Variants in CREB5 observed in about 807,000 individuals in gnomAD.
The protein encoded by CREB5 is cyclic AMP-responsive element-binding protein 5.
CREB5 carries 19 observed loss-of-function variants against 57.1 expected under a neutral mutation model. That is an observed-to-expected ratio of 0.33 (90% confidence interval 0.23 to 0.49). The LOEUF (loss-of-function observed/expected upper bound fraction) is 0.49, where lower values mean the gene tolerates loss of function less well. CREB5 is among the 20% of genes least tolerant of loss of function. The probability of loss-of-function intolerance (pLI) is 0.99; values close to 1 mark genes in which losing one functional copy is unlikely to be tolerated. For synonymous variants in CREB5, 238 were observed against 238.3 expected, an observed-to-expected ratio of 1.00 and a Z score of 0.01; for missense variants, 579 against 671.6, an observed-to-expected ratio of 0.86 and a Z score of 1.52.
chr7:28,472,613 G>T (rs1421024482), intron 1 of CREB5, among the ~76,000 whole-genome samples: 1 of 152,162 alleles, frequency 6.6e-6, no homozygotes, highest in Non-Finnish European at 1.5e-5. Flanking sequence ...GATAGGCTGT[G>T]TGTTTTATTG....
At chr7:28,461,612 C>T (rs939182922) in intron 1 of CREB5, among the ~76,000 whole-genome samples, 2 of 152,112 alleles carry the variant, frequency 1.3e-5, no homozygotes, top group African/African-American at 4.8e-5. Flanking sequence ...GGCTGATTTA[C>T]ATGAAGCCAT....
intron 1 of CREB5, among the ~76,000 whole-genome samples, chr7:28,450,511 AT>A (rs2128567566): frequency 1.3e-5 from 2 of 152,364 alleles, no homozygotes; most frequent in Admixed American, 1.3e-4. Flanking sequence ...CAATTAGGAA[AT>A]GCCCAACATA....
At chr7:28,395,085 T>A (rs1787309798) in intron 1 of CREB5, among the ~76,000 whole-genome samples, 1 of 152,172 alleles carries the variant, frequency 6.6e-6, no homozygotes, top group African/African-American at 2.4e-5. Context: ...GGTTTTAAAA[T>A]TTTACTATAT....
chr7:28,718,617 C>T (rs890254122), intron 5 of CREB5, 136 bp from the exon 6 acceptor site: 54 of 1,201,856 alleles, frequency 4.5e-5, no homozygotes, highest in Non-Finnish European at 5.8e-5. Context: ...CCCTAATATC[C>T]TCAATTATGT....
At chr7:28,734,588 T>TATAA (rs1298572495) in intron 7 of CREB5, among the ~76,000 whole-genome samples, 1 of 152,164 alleles carries the variant, frequency 6.6e-6, no homozygotes, top group Non-Finnish European at 1.5e-5. Flanking sequence ...GTCCTTTGAT[T>TATAA]ATAAAAATTA....
intron 4 of CREB5, among the ~76,000 whole-genome samples, chr7:28,564,062 T>C (rs956420626): frequency 3.5e-5 from 5 of 141,304 alleles, no homozygotes; most frequent in African/African-American, 1.3e-4. Context: ...GCCTAGTAGC[T>C]TCCAGAGGGT....
intron 5 of CREB5, among the ~76,000 whole-genome samples, chr7:28,668,819 T>G: frequency 6.6e-6 from 1 of 152,110 alleles, no homozygotes; most frequent in East Asian, 1.9e-4. Flanking sequence ...TACCGGTGAG[T>G]GAGAGTGTGA....
intron 10 of CREB5, 112 bp from the exon 11 acceptor site, chr7:28,819,004 A>G (rs1809603077): frequency 8.0e-7 from 1 of 1,244,010 alleles, no homozygotes; most frequent in Non-Finnish European, 1.1e-6. Flanking sequence ...TGAAACTTCT[A>G]TTTCAAGTAA....
intron 1 of CREB5, among the ~76,000 whole-genome samples, chr7:28,401,734 A>C (rs1050383883): frequency 3.3e-5 from 5 of 152,216 alleles, no homozygotes; most frequent in African/African-American, 4.8e-5. Context: ...CCTACAAAGG[A>C]CATGAACTCA....
chr7:28,597,925 A>T (rs1038019230), intron 5 of CREB5, among the ~76,000 whole-genome samples: 3 of 152,198 alleles, frequency 2.0e-5, no homozygotes, highest in African/African-American at 7.2e-5. Context: ...TAGAAAATGG[A>T]CCTAGAAATA....
rs546060060 is a variant in CREB5, at chr7:28,814,023, A to G, written c.1255-4048A>G. ...GAATACAAAATGGTGATTTTCCTCA[A>G]TTTATAAAGCAAGGTAATTCAGAGT... is the stretch of plus-strand genomic sequence containing the variant. On this transcript the variant is annotated intron_variant, in intron 9 of 10. Coordinates refer to ENST00000357727, the MANE Select transcript of CREB5 (RefSeq NM_182898.4). Among the ~76,000 whole-genome samples, 16 of 152,344 alleles carry G rather than the reference A, an allele frequency of 1.1e-4. No homozygotes were observed. The South Asian group carries it at 2.7e-3, about 26-fold the overall frequency.
At chr7:28,788,176 A>C (rs1807447318) in intron 7 of CREB5, among the ~76,000 whole-genome samples, 1 of 152,100 alleles carries the variant, frequency 6.6e-6, no homozygotes, top group Non-Finnish European at 1.5e-5. Context: ...GGGGGCTGGT[A>C]GTCTGTCCGG....
At chr7:28,359,671 T>C (rs997479115) in intron 1 of CREB5, among the ~76,000 whole-genome samples, 2 of 152,188 alleles carry the variant, frequency 1.3e-5, no homozygotes, top group Non-Finnish European at 2.9e-5. Context: ...CAATGATCGT[T>C]TGCATTGGAC....
intron 9 of CREB5, among the ~76,000 whole-genome samples, chr7:28,810,925 G>A (rs982743771): frequency 3.3e-5 from 5 of 152,146 alleles, no homozygotes; most frequent in Non-Finnish European, 7.3e-5. Flanking sequence ...ATAATTTATG[G>A]ATGTTCATTT....
chr7:28,403,078 A>G (rs985195452), intron 1 of CREB5, among the ~76,000 whole-genome samples: 2 of 152,250 alleles, frequency 1.3e-5, no homozygotes, highest in African/African-American at 2.4e-5. Flanking sequence ...TGGTGTAAAA[A>G]TGCATTTGTA....
intron 4 of CREB5, among the ~76,000 whole-genome samples, chr7:28,526,033 G>T (rs1793433988): frequency 1.3e-5 from 2 of 152,182 alleles, no homozygotes; most frequent in Non-Finnish European, 2.9e-5. Context: ...AATCTGGGAT[G>T]GGAAATTAGG....
At chr7:28,747,439 C>A (rs187428009) in intron 7 of CREB5, among the ~76,000 whole-genome samples, 1 of 152,212 alleles carries the variant, frequency 6.6e-6, no homozygotes, top group Non-Finnish European at 1.5e-5. Flanking sequence ...AGACAGTTAT[C>A]TGTAGCACAG....
chr7:28,302,268 T>C (rs1182574046), intron 1 of CREB5, among the ~76,000 whole-genome samples: 1 of 152,298 alleles, frequency 6.6e-6, no homozygotes, highest in East Asian at 1.9e-4. Flanking sequence ...TTGGACTGAT[T>C]TTTGGTTTCT....
chr7:28,476,752 CA>C (rs1472134153), intron 1 of CREB5, among the ~76,000 whole-genome samples: 5 of 152,056 alleles, frequency 3.3e-5, no homozygotes, highest in African/African-American at 1.2e-4. Context: ...AAGATTGCTC[CA>C]GGGGTTATAT....
Sources: allele counts gnomAD v4.1 joint callset (sites outside exome capture counted in the v4.1 genomes callset), GRCh38; gene constraint gnomAD v4.1.1; transcripts MANE v1.5; gene names NCBI Gene and HGNC (gene_info 2026-07-23, HGNC 2026-07-21).